The following ETV1 variants were observed in gnomAD, a reference collection of about 807,000 sequenced individuals.
ETV1 encodes ETS variant transcription factor 1.
Under a neutral mutation model 62.3 loss-of-function variants are expected in ETV1, and 27 were observed. The observed-to-expected ratio is 0.43, with a 90% confidence interval of 0.32 to 0.60. ETV1 has a LOEUF of 0.60. Among genes scored for constraint, ETV1 ranks in the 20% least tolerant of loss-of-function variants. The pLI is 0.06. For synonymous variants in ETV1, 222 were observed against 199.6 expected (o/e 1.11, Z -0.94); for missense variants, 605 against 605.8 (o/e 1.00, Z 0.01).
intron 9 of ETV1, among the ~76,000 whole-genome samples, chr7:13,927,785 A>G (rs1409978524): frequency 6.6e-6 from 1 of 152,214 alleles, no homozygotes; most frequent in East Asian, 1.9e-4. Context: ...GGCCCTGGTT[A>G]TGGGGTTACT....
At chr7:13,944,413 C>T (rs1041346941) in intron 6 of ETV1, among the ~76,000 whole-genome samples, 2 of 152,162 alleles carry the variant, frequency 1.3e-5, no homozygotes, top group African/African-American at 4.8e-5. Flanking sequence ...CACAAGTGAG[C>T]TCCCTGCGAT....
intron 7 of ETV1, among the ~76,000 whole-genome samples, chr7:13,937,731 C>T (rs1301363113): frequency 1.3e-5 from 2 of 152,164 alleles, no homozygotes; most frequent in Admixed American, 6.5e-5. Flanking sequence ...AAACTCAGAT[C>T]GATCAATACT....
At chr7:13,951,277 C>T (rs1451950278) in intron 6 of ETV1, among the ~76,000 whole-genome samples, 3 of 152,174 alleles carry the variant, frequency 2.0e-5, no homozygotes, top group Non-Finnish European at 4.4e-5. Flanking sequence ...GAGTTAAATA[C>T]TCAAGTACCT....
intron 4 of ETV1, chr7:13,986,968 T>G (rs1250355473): frequency 6.4e-6 from 2 of 312,448 alleles, no homozygotes; most frequent in Non-Finnish European, 1.2e-5. Flanking sequence ...AGCTCAGGGA[T>G]ACCAGAATTC....
At chr7:13,968,207 C>A (rs1780505359) in intron 6 of ETV1, among the ~76,000 whole-genome samples, 1 of 151,794 alleles carries the variant, frequency 6.6e-6, no homozygotes. Flanking sequence ...CCTTTGAGCA[C>A]ATTTCAAAAG....
intron 12 of ETV1, among the ~76,000 whole-genome samples, chr7:13,905,592 G>T (rs1782873556): frequency 6.6e-6 from 1 of 152,130 alleles, no homozygotes; most frequent in African/African-American, 2.4e-5. Flanking sequence ...CTAGTTCTGG[G>T]AAGAATAAAA....
intron 12 of ETV1, among the ~76,000 whole-genome samples, chr7:13,903,269 ATAAAT>A (rs753992004): frequency 3.3e-5 from 5 of 152,218 alleles, no homozygotes; most frequent in Non-Finnish European, 7.3e-5. Context: ...TTATTGTCAA[ATAAAT>A]TAAATAAGAT....
At position 13,906,251 on chromosome 7, in the gene ETV1, G is replaced by A. The variant is rs563413897; in HGVS notation, c.1110+179C>T. 3.1e-5 allele frequency: 14 copies of A among 453,344 alleles called. No homozygotes were observed. The highest frequency in any genetic ancestry group is 4.6e-5 in the Non-Finnish European group (12 of 260,530). 28.1% of individuals were successfully genotyped at this position (453,344 alleles called of 1,614,324 possible). ...GATTGTATACAACCGGAAGGAACAC[G>A]CAATACATTGGTGATTTTAAAGGTA... On this transcript the variant is annotated intron_variant, in intron 12 of 13. Coordinates refer to ENST00000430479, the MANE Select transcript of ETV1 (RefSeq NM_004956.5).
At chr7:13,902,536 G>A (rs959188386) in intron 12 of ETV1, among the ~76,000 whole-genome samples, 3 of 151,294 alleles carry the variant, frequency 2.0e-5, no homozygotes, top group African/African-American at 7.3e-5. Context: ...GCGCTGGGGG[G>A]AGGCAATAAG....
At chr7:13,922,251 T>C (rs1448050674) in intron 9 of ETV1, among the ~76,000 whole-genome samples, 1 of 152,152 alleles carries the variant, frequency 6.6e-6, no homozygotes, top group Non-Finnish European at 1.5e-5. Context: ...TAGACTGTTG[T>C]GGTTGCTGAG....
In ETV1 at chr7:13,963,531, CAAA is replaced by C. The variant is rs11303542; in HGVS notation, c.235+13893_235+13895del. 5.7e-5 allele frequency among the ~76,000 whole-genome samples: 6 copies of C among 105,116 alleles called. No homozygotes were observed. The Admixed American group carries it at 6.4e-4, about 11-fold the overall frequency. The allele number at this position is 105,116 out of a possible 152,430, so 69.0% of individuals were successfully genotyped here. A position where few individuals can be genotyped will look rare whatever the true frequency, so the allele number is the denominator to read the frequency against. ...GAAAACATTTTAATACCAATCTTGGCAAAAAAAAAAAAACTTCATGCACACACA... is the reference window on the plus strand; with the variant it reads ...GAAAACATTTTAATACCAATCTTGGCAAAAAAAAAACTTCATGCACACACA... On this transcript the variant is annotated intron_variant, in intron 6 of 13. Transcript: ENST00000430479.
intron 9 of ETV1, among the ~76,000 whole-genome samples, chr7:13,922,587 C>T (rs999047524): frequency 6.6e-6 from 1 of 152,108 alleles, no homozygotes; most frequent in Non-Finnish European, 1.5e-5. Context: ...CTCTTTAAAA[C>T]ACATCAGCCA....
At chr7:13,990,357 G>C (rs980761954), upstream of ETV1, 2 of 152,242 alleles carry the variant, frequency 1.3e-5, no homozygotes, top group Non-Finnish European at 2.9e-5. Flanking sequence ...AGGTTGTGAT[G>C]GGAGGACAAC....
At chr7:13,941,853 A>C (rs1267038771) in intron 6 of ETV1, among the ~76,000 whole-genome samples, 1 of 148,618 alleles carries the variant, frequency 6.7e-6, no homozygotes, top group Admixed American at 6.9e-5. Context: ...ACAGAGTGAG[A>C]TTCTGCCTCG....
chr7:13,911,092 A>G, intron 10 of ETV1, 147 bp downstream of exon 10: 1 of 578,328 alleles, frequency 1.7e-6, no homozygotes, highest in East Asian at 2.9e-5. Context: ...TCTTCTTTTT[A>G]CTTTGGAGAT....
At chr7:13,981,724 T>C (rs2128506965) in intron 5 of ETV1, among the ~76,000 whole-genome samples, 1 of 152,190 alleles carries the variant, frequency 6.6e-6, no homozygotes, top group East Asian at 1.9e-4. Context: ...TATCCAACTA[T>C]TTTTATCATA....
At chr7:13,907,613 T>G (rs776262015) in intron 11 of ETV1, among the ~76,000 whole-genome samples, 1 of 152,100 alleles carries the variant, frequency 6.6e-6, no homozygotes, top group Admixed American at 6.6e-5. Flanking sequence ...GTCTCAAAAA[T>G]AGGTGGAACT....
chr7:13,939,101 C>T lies in ETV1; in HGVS notation c.365+16G>A. On this transcript the variant is annotated intron_variant, in intron 7 of 13. Transcript: ENST00000430479. ...TAAGAACCACTATCCTACATACATA[C>T]ACCTGGTGGCTTTACCTGACATTGT... 1 of 1,610,362 alleles carries T rather than the reference C, an allele frequency of 6.2e-7. No homozygotes were observed. Among genetic ancestry groups the T allele is most frequent in the Non-Finnish European group, 8.5e-7 (1 of 1,178,520 alleles).
At chr7:13,922,740 A>G (rs1003845597) in intron 9 of ETV1, among the ~76,000 whole-genome samples, 17 of 152,080 alleles carry the variant, frequency 1.1e-4, no homozygotes, top group Non-Finnish European at 2.5e-4. Context: ...CTTTATTTCT[A>G]CTCCCTGTGT....
Sources: gnomAD v4.1 joint callset for allele counts (sites outside exome capture counted in the v4.1 genomes callset) on GRCh38, gnomAD v4.1.1 for gene constraint, MANE v1.5 for transcripts, NCBI Gene and HGNC (gene_info 2026-07-23, HGNC 2026-07-21) for gene names.